The following TMC1 variants were observed in gnomAD, a reference collection of about 807,000 sequenced individuals.
The protein encoded by TMC1 is transmembrane channel like 1.
In TMC1, 84 loss-of-function variants were observed where a neutral mutation model predicts 105.8. That is an observed-to-expected ratio of 0.79 (90% CI 0.67 to 0.95). The LOEUF (loss-of-function observed/expected upper bound fraction) is 0.95. Ranked by LOEUF, TMC1 falls within the 40% of genes least tolerant of loss-of-function variation. TMC1 has a pLI of 0.00. For synonymous variants in TMC1, 315 were observed against 311.5 expected, an observed-to-expected ratio of 1.01 and a Z score of -0.12; for missense variants, 817 against 914.1, an observed-to-expected ratio of 0.89 and a Z score of 1.37.
At chr9:72,746,142 G>A (rs545535463) in intron 10 of TMC1, among the ~76,000 whole-genome samples, 38 of 152,184 alleles carry the variant, frequency 2.5e-4, no homozygotes, top group African/African-American at 7.0e-4. Flanking sequence ...ATTATAAAAC[G>A]GATATAAATG....
At chr9:72,609,429 A>G (rs1824985710) in intron 2 of TMC1, among the ~76,000 whole-genome samples, 1 of 152,018 alleles carries the variant, frequency 6.6e-6, no homozygotes, top group African/African-American at 2.4e-5. Flanking sequence ...AGTCCCAGCT[A>G]CTCAGAAGGG....
chr9:72,583,256 C>T (rs1466131500), intron 2 of TMC1, among the ~76,000 whole-genome samples: 1 of 151,770 alleles, frequency 6.6e-6, no homozygotes, highest in Non-Finnish European at 1.5e-5. Flanking sequence ...CAACCCCTTC[C>T]CCTCCACGAA....
At chr9:72,655,915 T>G (rs1420803632) in intron 5 of TMC1, 9 of 799,158 alleles carry the variant, frequency 1.1e-5, no homozygotes, top group African/African-American at 8.4e-5. Context: ...TCAGAAGGAC[T>G]GAGCAAGTCA....
intron 8 of TMC1, among the ~76,000 whole-genome samples, chr9:72,724,188 G>T (rs1302506137): frequency 6.6e-6 from 1 of 152,172 alleles, no homozygotes; most frequent in Non-Finnish European, 1.5e-5. Context: ...GAATATCACA[G>T]ACTGGATAAT....
chr9:72,681,549 T>C (rs1826286240), intron 5 of TMC1, among the ~76,000 whole-genome samples: 1 of 152,146 alleles, frequency 6.6e-6, no homozygotes, highest in Non-Finnish European at 1.5e-5. Flanking sequence ...TCACATTTCA[T>C]ATTTGCTCTT....
intron 1 of TMC1, among the ~76,000 whole-genome samples, chr9:72,536,160 C>T (rs987938427): frequency 3.3e-5 from 5 of 152,152 alleles, no homozygotes; most frequent in African/African-American, 9.7e-5. Flanking sequence ...GTATCACCTG[C>T]GACTCAAGGC....
At chr9:72,621,289 C>T (rs1825244016) in intron 3 of TMC1, among the ~76,000 whole-genome samples, 1 of 152,126 alleles carries the variant, frequency 6.6e-6, no homozygotes. Context: ...AATTTAACAG[C>T]AATGCTCTCA....
intron 8 of TMC1, among the ~76,000 whole-genome samples, chr9:72,713,726 AT>A (rs755708635): frequency 0.056 from 7,739 of 137,276 alleles, 221 homozygotes; most frequent in Middle Eastern, 0.085. Context: ...GGATTCATTG[AT>A]TTTTTTTTTT....
chr9:72,832,448 T>C (rs1588107242), intron 23 of TMC1, among the ~76,000 whole-genome samples: 1 of 152,186 alleles, frequency 6.6e-6, no homozygotes, highest in African/African-American at 2.4e-5. Flanking sequence ...CCTTTCAGAT[T>C]GGCCCCATAT....
At chr9:72,656,533 T>C (rs942654669) in intron 5 of TMC1, among the ~76,000 whole-genome samples, 5 of 152,212 alleles carry the variant, frequency 3.3e-5, no homozygotes, top group Admixed American at 6.5e-5. Context: ...AGTATACTTA[T>C]AATAATTGTT....
chr9:72,570,230 A>AGTGT (rs3223165), intron 1 of TMC1, among the ~76,000 whole-genome samples: 6,731 of 145,604 alleles, frequency 0.046, 270 homozygotes, highest in African/African-American at 0.1. Flanking sequence ...CTCAAAGAGT[A>AGTGT]GTGTGTGTGT....
At chr9:72,713,473 A>T (rs1357008868) in intron 8 of TMC1, among the ~76,000 whole-genome samples, 1 of 152,150 alleles carries the variant, frequency 6.6e-6, no homozygotes. Flanking sequence ...CTAGTCAGGG[A>T]TTCAACTTCT....
At chr9:72,768,537 G>C (rs2118113164) in intron 12 of TMC1, among the ~76,000 whole-genome samples, 1 of 152,174 alleles carries the variant, frequency 6.6e-6, no homozygotes, top group African/African-American at 2.4e-5. Context: ...TTATAGATTT[G>C]ACTTCATATA....
intron 18 of TMC1, 22 bp from the exon 19 acceptor site, chr9:72,816,121 A>G (rs1828783177): frequency 1.2e-6 from 2 of 1,611,680 alleles, no homozygotes; most frequent in Non-Finnish European, 1.7e-6. Context: ...CGCTAATCCA[A>G]TGAACATTGT....
chr9:72,664,890 G>A (rs1431748705), intron 5 of TMC1, among the ~76,000 whole-genome samples: 1 of 152,140 alleles, frequency 6.6e-6, no homozygotes, highest in East Asian at 1.9e-4. Context: ...AAAGAGCACT[G>A]TAGCACACCC....
intron 8 of TMC1, among the ~76,000 whole-genome samples, chr9:72,723,344 A>G (rs530864207): frequency 6.6e-6 from 1 of 152,284 alleles, no homozygotes; most frequent in Non-Finnish European, 1.5e-5. Flanking sequence ...ATAAAGTGGA[A>G]CACTTTTTAT....
rs555453507 is a variant in TMC1, at chr9:72,786,642, T to A, written c.885-1697T>A. On this transcript the variant is annotated intron_variant, in intron 13 of 23. Transcript: ENST00000297784. ...TCATAAATTTGTATACATTTTGCTC[T>A]ATAGACAAAGAGTAGAGCTTATAGC... Among the ~76,000 whole-genome samples, 11 of 152,344 alleles carry A rather than the reference T, an allele frequency of 7.2e-5. 1 individual carries two copies. The highest frequency in any genetic ancestry group is 2.4e-4 in the African/African-American group (10 of 41,580).
At chr9:72,828,468 A>G (rs944259320) in intron 21 of TMC1, among the ~76,000 whole-genome samples, 32 of 152,092 alleles carry the variant, frequency 2.1e-4, no homozygotes, top group African/African-American at 7.0e-4. Context: ...TTTCGTTACC[A>G]TATTCTTACT....
rs1828219881 is a variant in TMC1 at position 72,789,140 on chromosome 9, A to C, written c.1047A>C (p.Glu349Asp). Residue 349 changes from glutamate to aspartate, a missense_variant, in exon 15 of 24, where the codon GAA becomes GAC. Transcript: ENST00000297784. Reference protein sequence around the residue: ...TMNFKEAITEEKAAQVEENVH... With the variant: ...TMNFKEAITEDKAAQVEENVH... ...GGATACAGGAAGCTATCACAGAAGA[A>C]AAAGCAGCCCAAGTAGAAGAAAACG... 6.2e-7 allele frequency: 1 copy of C among 1,612,618 alleles called. No individual in the cohort carries two copies. Among genetic ancestry groups the C allele is most frequent in the Non-Finnish European group, 8.5e-7 (1 of 1,179,914 alleles).
Sources: allele counts gnomAD v4.1 joint callset (sites outside exome capture counted in the v4.1 genomes callset), GRCh38; gene constraint gnomAD v4.1.1; transcripts MANE v1.5; gene names NCBI Gene and HGNC (gene_info 2026-07-23, HGNC 2026-07-21).